The following TNN variants were observed in gnomAD, a reference collection of about 807,000 sequenced individuals.
The protein encoded by TNN is tenascin N, also known as tenascin-N.
In TNN, 122 loss-of-function variants were observed where a neutral mutation model predicts 134.4. That is an observed-to-expected ratio of 0.91 (90% CI 0.78 to 1.06). The LOEUF (loss-of-function observed/expected upper bound fraction) is 1.06. Among genes scored for constraint, TNN ranks in the 50% least tolerant of loss-of-function variants. The probability of loss-of-function intolerance (pLI) is 0.00; values close to 1 mark genes in which losing one functional copy is unlikely to be tolerated. For missense variants in TNN, 1,739 were observed against 1,699.4 expected, an observed-to-expected ratio of 1.02 and a Z score of -0.41; for synonymous variants, 710 against 670.3, an observed-to-expected ratio of 1.06 and a Z score of -0.91.
At chr1:175,136,020 A>G in intron 16 of TNN, 79 bp downstream of exon 16, 3 of 1,036,836 alleles carry the variant, frequency 2.9e-6, no homozygotes, top group Non-Finnish European at 4.5e-6. Flanking sequence ...GGCTTAGGGA[A>G]GCTCACCACC....
intron 12 of TNN, 141 bp downstream of exon 12, chr1:175,123,804 T>C (rs774154373): frequency 2.1e-5 from 27 of 1,257,274 alleles, no homozygotes; most frequent in Non-Finnish European, 2.7e-5. Flanking sequence ...TTTTACGTCT[T>C]TGAGCTAATT....
intron 9 of TNN, among the ~76,000 whole-genome samples, chr1:175,099,424 G>A (rs1015711229): frequency 6.6e-6 from 1 of 151,358 alleles, no homozygotes; most frequent in Non-Finnish European, 1.5e-5. Context: ...AGAGGTAAGG[G>A]GTCAGAGGAG....
intron 1 of TNN, among the ~76,000 whole-genome samples, chr1:175,069,479 C>T (rs1054294282): frequency 1.3e-5 from 2 of 152,216 alleles, no homozygotes; most frequent in Non-Finnish European, 2.9e-5. Context: ...CCCGTGGCTT[C>T]TGGTTTTCCA....
intron 6 of TNN, among the ~76,000 whole-genome samples, chr1:175,086,969 C>T (rs1206240117): frequency 1.3e-5 from 2 of 152,086 alleles, no homozygotes; most frequent in Admixed American, 6.6e-5. Flanking sequence ...GAAGTAGATA[C>T]TATTATTATT....
At chr1:175,089,576 C>A (rs1674394814) in intron 6 of TNN, among the ~76,000 whole-genome samples, 1 of 152,194 alleles carries the variant, frequency 6.6e-6, no homozygotes, top group Non-Finnish European at 1.5e-5. Context: ...GAGGTGATGT[C>A]ATTCTTTTGT....
chr1:175,146,238 A>C (rs1409553499), intron 18 of TNN, among the ~76,000 whole-genome samples: 4 of 152,190 alleles, frequency 2.6e-5, no homozygotes, highest in African/African-American at 9.7e-5. Flanking sequence ...GATGCCCTGA[A>C]CCATCCCATA....
intron 9 of TNN, among the ~76,000 whole-genome samples, chr1:175,099,928 G>A (rs2149433673): frequency 6.6e-6 from 1 of 152,156 alleles, no homozygotes. Context: ...CCTCTCTGGT[G>A]GGGTTGCCTT....
At chr1:175,126,442 A>G (rs545011278) in intron 12 of TNN, among the ~76,000 whole-genome samples, 2 of 152,254 alleles carry the variant, frequency 1.3e-5, no homozygotes, top group East Asian at 1.9e-4. Flanking sequence ...TCATAAGCCC[A>G]TATTCTACTT....
At chr1:175,118,045 G>A (rs998435613) in intron 10 of TNN, among the ~76,000 whole-genome samples, 25 of 152,108 alleles carry the variant, frequency 1.6e-4, no homozygotes, top group Non-Finnish European at 1.3e-4. Context: ...CATTTTCCAC[G>A]TGCCCTGCCC....
In TNN at chr1:175,107,052, G is replaced by A. The variant is rs760509825; in HGVS notation, c.2119+8457G>A. ...GCGATTGGGAAAGGTCTCACCGCTC[G>A]GCTATTGTCTCACCGCTTGGCGATA... On this transcript the variant is annotated intron_variant, in intron 9 of 18. Transcript: ENST00000239462. 2.1e-5 allele frequency among the ~76,000 whole-genome samples: 3 copies of A among 146,266 alleles called. No homozygotes were observed. The South Asian group carries it at 6.8e-4, about 33-fold the overall frequency.
At chr1:175,071,598 G>GT (rs1035124502) in intron 1 of TNN, among the ~76,000 whole-genome samples, 13 of 152,008 alleles carry the variant, frequency 8.6e-5, no homozygotes, top group South Asian at 2.1e-4. Flanking sequence ...GACATCTGGT[G>GT]TTTTTTTTGT....
intron 1 of TNN, 136 bp downstream of exon 1, chr1:175,068,071 C>A: frequency 2.5e-6 from 1 of 399,510 alleles, no homozygotes; most frequent in Non-Finnish European, 5.0e-6. Context: ...TCTCCTATCA[C>A]CTCCATGAAG....
At chr1:175,079,026 G>C (rs146726989) in intron 2 of TNN, among the ~76,000 whole-genome samples, 1 of 152,080 alleles carries the variant, frequency 6.6e-6, no homozygotes, top group African/African-American at 2.4e-5. Context: ...GGAAGGAACC[G>C]GGGAATTCAC....
chr1:175,089,278 T>C (rs1188287107), intron 6 of TNN, among the ~76,000 whole-genome samples: 1 of 152,136 alleles, frequency 6.6e-6, no homozygotes, highest in Admixed American at 6.5e-5. Flanking sequence ...AACGAGGAAA[T>C]GACACCGTTC....
rs189206744 is a variant in TNN, at chr1:175,098,396, G to A, written c.1920G>A (p.Trp640Ter). ...CAGAGAATATGGCCACGGTCTCCTG[G>A]GACCCGGTGCAGGCCGCCATTGACA... ...RVTENMATVS[W>*]DPVQAAIDKY... The change falls in exon 9 of 19, where the codon TGG becomes TGA. Residue 640 changes from tryptophan (W) to a stop codon, truncating the protein, a stop_gained. Coordinates refer to ENST00000239462, the MANE Select transcript of TNN (RefSeq NM_022093.2). LOFTEE classifies it high-confidence loss of function. 5 of 1,614,186 alleles carry A rather than the reference G, an allele frequency of 3.1e-6. 1 individual carries two copies. Among genetic ancestry groups the A allele is most frequent in the Non-Finnish European group, 3.4e-6 (4 of 1,180,030 alleles).
chr1:175,087,123 C>T (rs1297380637), intron 6 of TNN, among the ~76,000 whole-genome samples: 1 of 152,096 alleles, frequency 6.6e-6, no homozygotes, highest in Non-Finnish European at 1.5e-5. Context: ...CTGAGATAGG[C>T]CTTAATCAAC....
chr1:175,128,543 C>T, intron 14 of TNN, 52 bp from the exon 15 acceptor site: 2 of 1,522,554 alleles, frequency 1.3e-6, no homozygotes, highest in Non-Finnish European at 1.8e-6. Context: ...GAAACTCCAC[C>T]TCTTTCCTCC....
intron 9 of TNN, among the ~76,000 whole-genome samples, chr1:175,106,894 C>G (rs971613455): frequency 6.8e-6 from 1 of 145,994 alleles, no homozygotes; most frequent in African/African-American, 2.5e-5. Flanking sequence ...AAGCTTGACA[C>G]CCGTGTCTTT....
Position 175,094,129 on chromosome 1 carries a change from A to T in TNN, c.1464A>T (p.Ala488=). The T allele has an allele frequency of 1.2e-6, 2 of 1,614,194 alleles. No homozygotes were observed. The highest frequency in any genetic ancestry group is 4.5e-5 in the East Asian group (2 of 44,880). Residue 488 remains alanine, a synonymous_variant, in exon 7 of 19, where the codon GCA becomes GCT. Transcript: ENST00000239462. ...CTGATGGGGACACCAAGGAAATGGCAGTGCACAAGGATGAGAGCAGCACTG... is the reference window on the plus strand; with the variant it reads ...CTGATGGGGACACCAAGGAAATGGCTGTGCACAAGGATGAGAGCAGCACTG... ...TSADGDTKEM[A]VHKDESSTVL...
Sources: allele counts gnomAD v4.1 joint callset (sites outside exome capture counted in the v4.1 genomes callset), GRCh38; gene constraint gnomAD v4.1.1; transcripts MANE v1.5; gene names NCBI Gene and HGNC (gene_info 2026-07-23, HGNC 2026-07-21).